The following PLCL2 variants were observed in gnomAD, a reference collection of about 807,000 sequenced individuals.
The protein encoded by PLCL2 is inactive phospholipase C-like protein 2.
Under a neutral mutation model 79.6 loss-of-function variants are expected in PLCL2, and 4 were observed. That is an observed-to-expected ratio of 0.05 (90% CI 0.02 to 0.11). PLCL2 has a LOEUF of 0.11. Among genes scored for constraint, PLCL2 ranks in the 10% least tolerant of loss-of-function variants. The pLI is 1.00. For missense variants in PLCL2, 895 were observed against 1,291.0 expected (o/e 0.69, Z 4.70); for synonymous variants, 484 against 457.7 (o/e 1.06, Z -0.73).
At chr3:17,027,834 A>G (rs2064534758) in intron 3 of PLCL2, among the ~76,000 whole-genome samples, 2 of 152,218 alleles carry the variant, frequency 1.3e-5, no homozygotes, top group African/African-American at 2.4e-5. Flanking sequence ...CAGAAACCTA[A>G]AGAAACAAGA....
At chr3:16,952,423 C>G (rs2063663715) in intron 1 of PLCL2, among the ~76,000 whole-genome samples, 1 of 114,092 alleles carries the variant, frequency 8.8e-6, no homozygotes, top group South Asian at 2.9e-4. Context: ...CTTTTAGGAA[C>G]CTGTTTAACT....
chr3:17,087,212 T>A (rs1385292667), intron 5 of PLCL2, among the ~76,000 whole-genome samples: 1 of 152,246 alleles, frequency 6.6e-6, no homozygotes. Flanking sequence ...ATACAGATGC[T>A]TATAGCAGAG....
rs906979876 is a variant in PLCL2, at chr3:17,010,310, G to C, written c.964G>C (p.Ala322Pro). 6.2e-7 allele frequency: 1 copy of C among 1,614,106 alleles called. No individual in the cohort carries two copies. Among genetic ancestry groups the C allele is most frequent in the Non-Finnish European group, 8.5e-7 (1 of 1,180,006 alleles). ...AGAATTGCATAAATCAAAGGACAAA[G>C]CTGGTACCGAGGTCACAAAGGAAGA... ...FKELHKSKDK[A>P]GTEVTKEEFI... The change falls in exon 2 of 6, where the codon GCT (alanine) becomes CCT (proline). Residue 322 changes from alanine to proline, a missense_variant. By Grantham distance (27) the Ala-to-Pro change is conservative. This residue lies in a region of PLCL2 where 93 missense variants were observed against 93.2 expected (regional missense o/e 1.00). Transcript: ENST00000615277. The surrounding 1 kb of genome is among the most constrained non-coding windows in gnomAD (Gnocchi z 5.8).
chr3:17,089,174 A>G (rs2065249747), intron 5 of PLCL2, among the ~76,000 whole-genome samples: 1 of 152,180 alleles, frequency 6.6e-6, no homozygotes, highest in Non-Finnish European at 1.5e-5. Context: ...CTTGGTTGCC[A>G]CGGTGGTTAC....
intron 3 of PLCL2, among the ~76,000 whole-genome samples, chr3:17,030,379 T>C (rs2064567728): frequency 6.6e-6 from 1 of 152,186 alleles, no homozygotes. Context: ...GCTGGTTGCA[T>C]ATAGCTCCTG....
At chr3:16,913,327 C>T (rs931013792) in intron 1 of PLCL2, among the ~76,000 whole-genome samples, 2 of 151,272 alleles carry the variant, frequency 1.3e-5, no homozygotes, top group South Asian at 2.1e-4. Flanking sequence ...CTTACCCATT[C>T]GCTGGAAATT....
Position 17,080,075 on chromosome 3 carries a change from G to A in PLCL2, c.3205-9658G>A, listed in dbSNP as rs376372808. Among the ~76,000 whole-genome samples the A allele has an allele frequency of 2.7e-3, 404 of 152,270 alleles. 3 individuals are homozygous for A. Among genetic ancestry groups the A allele is most frequent in the African/African-American group, 7.8e-3 (322 of 41,540 alleles). ...GTGGAGGTCAGGGTGGAGGGAAGGC[G>A]GTCTTCCTGCTGTGGGGAGACAAGC... is the stretch of plus-strand genomic sequence containing the variant. On this transcript the variant is annotated intron_variant, in intron 5 of 5. Transcript: ENST00000615277.
intron 1 of PLCL2, among the ~76,000 whole-genome samples, chr3:16,902,890 G>T (rs567058703): frequency 6.7e-6 from 1 of 148,752 alleles, no homozygotes; most frequent in South Asian, 2.1e-4. Flanking sequence ...GTGNGCGCAT[G>T]TGCATGCTTT....
intron 3 of PLCL2, among the ~76,000 whole-genome samples, chr3:17,021,381 G>A (rs1354977880): frequency 2.0e-5 from 3 of 152,102 alleles, no homozygotes; most frequent in Admixed American, 1.3e-4. Flanking sequence ...ATGTTTAAAC[G>A]ATACAGTGTG....
chr3:17,063,235 TCCC>T (rs2064970379), intron 4 of PLCL2, among the ~76,000 whole-genome samples: 1 of 85,026 alleles, frequency 1.2e-5, no homozygotes, highest in Middle Eastern at 4.3e-3. Context: ...CCTCCCTCCC[TCCC>T]TCCCTGCCTT....
At chr3:16,993,194 C>T (rs1282907229) in intron 1 of PLCL2, among the ~76,000 whole-genome samples, 3 of 152,214 alleles carry the variant, frequency 2.0e-5, no homozygotes, top group Non-Finnish European at 2.9e-5. Context: ...GTAGGATGAT[C>T]ATATGTTTCA....
chr3:16,983,282 A>G (rs745745033), intron 1 of PLCL2, among the ~76,000 whole-genome samples: 21 of 152,228 alleles, frequency 1.4e-4, no homozygotes, highest in Non-Finnish European at 2.6e-4. Flanking sequence ...TTAAACGTCT[A>G]TAATTTATGG....
chr3:16,965,437 T>G (rs1014362883), intron 1 of PLCL2, among the ~76,000 whole-genome samples: 3 of 152,100 alleles, frequency 2.0e-5, no homozygotes, highest in African/African-American at 7.2e-5. Context: ...TGTAGTATAG[T>G]TTGAAGTCAG....
At chr3:17,052,347 C>T (rs148933695) in intron 4 of PLCL2, among the ~76,000 whole-genome samples, 6 of 151,412 alleles carry the variant, frequency 4.0e-5, no homozygotes, top group Admixed American at 2.0e-4. Flanking sequence ...GATAACTTGA[C>T]GGAGATGAGT....
intron 1 of PLCL2, among the ~76,000 whole-genome samples, chr3:16,974,627 C>T (rs2063905719): frequency 6.6e-6 from 1 of 152,164 alleles, no homozygotes; most frequent in Non-Finnish European, 1.5e-5. Flanking sequence ...TTGAGAGCTC[C>T]AGACTTATGT....
chr3:17,083,033 G>A (rs912478336), intron 5 of PLCL2, among the ~76,000 whole-genome samples: 3 of 152,024 alleles, frequency 2.0e-5, no homozygotes, highest in Non-Finnish European at 4.4e-5. Context: ...ACTGTTCTAG[G>A]CTCTGAGGAT....
intron 3 of PLCL2, among the ~76,000 whole-genome samples, chr3:17,042,264 C>T (rs2064731214): frequency 6.6e-6 from 1 of 152,112 alleles, no homozygotes; most frequent in Admixed American, 6.5e-5. Context: ...TTCCCTTCTT[C>T]AAGCTTGGGC....
chr3:17,012,136 C>T lies in PLCL2; in HGVS notation c.2790C>T (p.Ala930=), dbSNP rs1256669745. The change falls in exon 2 of 6, where the codon GCC becomes GCT. Residue 930 remains alanine, a synonymous_variant. Transcript: ENST00000615277. Reference sequence around the variant, plus strand: ...ATGCCCAGCCCCCTATACGGGATGCCACAGATCTGAGAGAAAACATGCAGG... The same window carrying T: ...ATGCCCAGCCCCCTATACGGGATGCTACAGATCTGAGAGAAAACATGCAGG... The part of the protein sequence containing the change: ...FKNAQPPIRD[A]TDLRENMQNA... 5 of 1,611,810 alleles carry T rather than the reference C, an allele frequency of 3.1e-6. No homozygotes were observed. The highest frequency in any genetic ancestry group is 4.2e-6 in the Non-Finnish European group (5 of 1,178,282).
At chr3:17,066,753 A>G (rs1276055681) in intron 4 of PLCL2, among the ~76,000 whole-genome samples, 1 of 152,182 alleles carries the variant, frequency 6.6e-6, no homozygotes, top group Non-Finnish European at 1.5e-5. Context: ...CCACTATGCA[A>G]TTGTGTGAGA....
Sources: gnomAD v4.1 joint callset for allele counts (sites outside exome capture counted in the v4.1 genomes callset) on GRCh38, gnomAD v4.1.1 for gene constraint, gnomAD v4.1.1 regional missense constraint, Gnocchi (gnomAD v3.1) non-coding constraint, MANE v1.5 for transcripts, NCBI Gene and HGNC (gene_info 2026-07-23, HGNC 2026-07-21) for gene names.